The following DNM3 variants were observed in gnomAD, a reference collection of about 807,000 sequenced individuals.
DNM3 encodes the protein dynamin-3.
A neutral mutation model predicts 101.6 loss-of-function variants in DNM3; 47 were observed. The ratio of observed to expected loss-of-function variants is 0.46; its 90% CI spans 0.37 to 0.59. The LOEUF (loss-of-function observed/expected upper bound fraction) is 0.59. Among genes scored for constraint, DNM3 ranks in the 20% least tolerant of loss-of-function variants. The probability of loss-of-function intolerance (pLI) is 0.00; values close to 1 mark genes in which losing one functional copy is unlikely to be tolerated. For missense variants in DNM3, 849 were observed against 1,085.7 expected (o/e 0.78, Z 3.06); for synonymous variants, 385 against 387.9 (o/e 0.99, Z 0.09).
intron 14 of DNM3, among the ~76,000 whole-genome samples, chr1:172,186,674 C>CT (rs920628483): frequency 3.3e-5 from 5 of 152,196 alleles, no homozygotes; most frequent in African/African-American, 1.2e-4. Flanking sequence ...CCCCCTCTCA[C>CT]TGAAGGAATC....
rs57339395 is a variant in DNM3, at chr1:172,213,517, C to CAAAAA, written c.1660-40039_1660-40035dup. Reference sequence around the variant, plus strand: ...CAGAACAATTAAGAATCCATTGTTACAAAAAAAAAAAAAAAAAAAAAGCCT... The same window carrying CAAAAA: ...CAGAACAATTAAGAATCCATTGTTACAAAAAAAAAAAAAAAAAAAAAAAAAAGCCT... On this transcript the variant is annotated intron_variant, in intron 14 of 20. Transcript: ENST00000627582. 7.1e-3 allele frequency among the ~76,000 whole-genome samples: 562 copies of CAAAAA among 79,352 alleles called. 27 individuals carry two copies. Among genetic ancestry groups the CAAAAA allele is most frequent in the African/African-American group, 0.018 (397 of 21,868 alleles). The allele number at this position is 79,352 out of a possible 152,430, so 52.1% of individuals were successfully genotyped here. A position where few individuals can be genotyped will look rare whatever the true frequency, so the allele number is the denominator to read the frequency against.
intron 15 of DNM3, among the ~76,000 whole-genome samples, chr1:172,291,273 C>A (rs538580508): frequency 1.9e-4 from 20 of 102,622 alleles, no homozygotes; most frequent in African/African-American, 6.0e-4. Context: ...CATACATGTG[C>A]GTGTGTACAC....
chr1:172,076,258 C>G (rs1558530059), intron 11 of DNM3, among the ~76,000 whole-genome samples: 1 of 152,206 alleles, frequency 6.6e-6, no homozygotes, highest in Non-Finnish European at 1.5e-5. Flanking sequence ...ATGTCATCTG[C>G]AAAGAGAGAC....
In DNM3 at chr1:172,136,676, A is replaced by G. The variant is rs569807543; in HGVS notation, c.1659+5388A>G. On this transcript the variant is annotated intron_variant, in intron 14 of 20. Coordinates refer to ENST00000627582, the MANE Select transcript of DNM3 (RefSeq NM_015569.5). Reference sequence around the variant, plus strand: ...TTCTGGTATTATCTAAAGATTTATAATTTTGAAAAAAAGAGTATTATTCAA... The same window carrying G: ...TTCTGGTATTATCTAAAGATTTATAGTTTTGAAAAAAAGAGTATTATTCAA... The G allele has an allele frequency of 2.0e-5, 3 of 152,230 alleles. No individual in the cohort carries two copies. In the South Asian group the frequency reaches 6.2e-4, roughly 32 times the overall value. 9.4% of individuals were successfully genotyped at this position (152,230 alleles called of 1,614,324 possible).
At chr1:172,284,809 T>G (rs2063633788) in intron 15 of DNM3, among the ~76,000 whole-genome samples, 1 of 152,166 alleles carries the variant, frequency 6.6e-6, no homozygotes, top group Non-Finnish European at 1.5e-5. Context: ...CAACTCTAAA[T>G]TGTTTATACT....
chr1:172,075,490 T>A (rs1391485649), intron 11 of DNM3, among the ~76,000 whole-genome samples: 1 of 152,228 alleles, frequency 6.6e-6, no homozygotes, highest in Non-Finnish European at 1.5e-5. Flanking sequence ...AATTTTTGTA[T>A]AAGGTGTAAG....
At chr1:171,993,452 G>A (rs2045773449) in intron 4 of DNM3, among the ~76,000 whole-genome samples, 1 of 149,394 alleles carries the variant, frequency 6.7e-6, no homozygotes, top group Non-Finnish European at 1.5e-5. Flanking sequence ...ATCTCATTGA[G>A]GATCCTTTGA....
rs867852151 is a variant in DNM3 at position 171,856,596 on chromosome 1, G to A, written c.161+14779G>A. The stretch of plus-strand genomic sequence containing the variant: ...ATTGTAGAGATCTTCCACCTCCCTG[G>A]TTAGCTGTGTTCCTAGGTATTTTAT... On this transcript the variant is annotated intron_variant, in intron 1 of 20. Transcript: ENST00000627582. Among the ~76,000 whole-genome samples, 6 of 152,166 alleles carry A rather than the reference G, an allele frequency of 3.9e-5. No individual in the cohort carries two copies. The South Asian group carries it at 8.3e-4, about 21-fold the overall frequency.
chr1:172,260,051 A>C (rs1449394915), intron 15 of DNM3, among the ~76,000 whole-genome samples: 1 of 152,096 alleles, frequency 6.6e-6, no homozygotes, highest in Non-Finnish European at 1.5e-5. Context: ...TCATCTGTGA[A>C]AGACATTATA....
intron 4 of DNM3, among the ~76,000 whole-genome samples, chr1:172,007,615 A>G (rs1393028757): frequency 6.6e-6 from 1 of 151,922 alleles, no homozygotes; most frequent in Admixed American, 6.6e-5. Context: ...TGAAGAGCAA[A>G]TTTTACTTTT....
rs2071071910 is a variant in DNM3, at chr1:172,409,068, G to A, written c.*1227G>A. Reference sequence around the variant, plus strand: ...AAGATTTCTAAAATTTACCAGAACAGTTTAGCCTGGGGGTTAATAGTTAAG... The same window carrying A: ...AAGATTTCTAAAATTTACCAGAACAATTTAGCCTGGGGGTTAATAGTTAAG... On this transcript the variant is annotated 3_prime_UTR_variant, in exon 21 of 21. Transcript: ENST00000627582. 1 of 985,350 alleles carries A rather than the reference G, an allele frequency of 1.0e-6. No homozygotes were observed. The highest frequency in any genetic ancestry group is 1.2e-6 in the Non-Finnish European group (1 of 829,880). The allele number at this position is 985,350 out of a possible 1,614,324, so 61.0% of individuals were successfully genotyped here.
At chr1:171,903,967 A>G (rs912935818) in intron 1 of DNM3, among the ~76,000 whole-genome samples, 1 of 152,166 alleles carries the variant, frequency 6.6e-6, no homozygotes, top group Non-Finnish European at 1.5e-5. Flanking sequence ...ATAATTGGGA[A>G]AGAAGGAAGA....
intron 14 of DNM3, among the ~76,000 whole-genome samples, chr1:172,242,561 G>C (rs947879367): frequency 1.3e-5 from 2 of 152,072 alleles, no homozygotes; most frequent in Admixed American, 1.3e-4. Context: ...TCCCACCTCA[G>C]CCTCCTGAGT....
At chr1:172,387,502 A>T (rs1191369809) in intron 19 of DNM3, 143 bp downstream of exon 19, 22 of 682,646 alleles carry the variant, frequency 3.2e-5, no homozygotes, top group Non-Finnish European at 5.0e-5. Context: ...CTAAAAACAT[A>T]AAAAAAATTA....
intron 14 of DNM3, among the ~76,000 whole-genome samples, chr1:172,185,178 C>T (rs1408905763): frequency 6.6e-6 from 1 of 152,042 alleles, no homozygotes; most frequent in South Asian, 2.1e-4. Context: ...AGGGAAGCTC[C>T]TAATGCCTCC....
chr1:172,245,102 G>A lies in DNM3; in HGVS notation c.1660-8471G>A, dbSNP rs186905763. On this transcript the variant is annotated intron_variant, in intron 14 of 20. Coordinates refer to ENST00000627582, the MANE Select transcript of DNM3 (RefSeq NM_015569.5). ...GGCTGTTCATATGTTCATTCAGCAA[G>A]TGTTTGCTGAATGTCTATGATGCAA... Among the ~76,000 whole-genome samples, 294 of 152,256 alleles carry A rather than the reference G, an allele frequency of 1.9e-3. 3 individuals are homozygous for A. Among genetic ancestry groups the A allele is most frequent in the South Asian group, 0.018 (85 of 4,826 alleles).
chr1:172,088,996 C>T (rs188308963), intron 12 of DNM3, among the ~76,000 whole-genome samples: 9 of 152,340 alleles, frequency 5.9e-5, no homozygotes, highest in East Asian at 5.8e-4. Context: ...TTTGGTTCTA[C>T]GTTTTAGTGT....
intron 15 of DNM3, among the ~76,000 whole-genome samples, chr1:172,297,906 C>T (rs1009423156): frequency 3.3e-5 from 5 of 151,694 alleles, no homozygotes; most frequent in Admixed American, 6.6e-5. Context: ...TTGTTTTTCT[C>T]CTTCTATCTT....
intron 7 of DNM3, among the ~76,000 whole-genome samples, chr1:172,040,906 G>T (rs951121355): frequency 1.3e-5 from 2 of 152,112 alleles, no homozygotes; most frequent in African/African-American, 4.8e-5. Context: ...GCTTCCTTAT[G>T]GTTGGCTGGA....
Sources: gnomAD v4.1 joint callset for allele counts (sites outside exome capture counted in the v4.1 genomes callset) on GRCh38, gnomAD v4.1.1 for gene constraint, MANE v1.5 for transcripts, NCBI Gene and HGNC (gene_info 2026-07-23, HGNC 2026-07-21) for gene names.